LEFTY2: variants seen among roughly 807,000 people sequenced by gnomAD.
LEFTY2 encodes the protein left-right determination factor 2.
A neutral mutation model predicts 26.4 loss-of-function variants in LEFTY2; 10 were observed. The ratio of observed to expected loss-of-function variants is 0.38; its 90% confidence interval spans 0.23 to 0.64. The LOEUF is 0.64. Ranked by LOEUF, LEFTY2 falls within the 30% of genes least tolerant of loss-of-function variation. LEFTY2 has a pLI of 0.56. For missense variants in LEFTY2, 407 were observed against 502.1 expected, an observed-to-expected ratio of 0.81 and a Z score of 1.81; for synonymous variants, 204 against 234.1, an observed-to-expected ratio of 0.87 and a Z score of 1.17.
At chr1:225,938,748 C>T (rs1261012662) in intron 3 of LEFTY2, among the ~76,000 whole-genome samples, 1 of 151,608 alleles carries the variant, frequency 6.6e-6, no homozygotes, top group Non-Finnish European at 1.5e-5. Flanking sequence ...TGGTGTCAAA[C>T]TCCTGGCTTT....
rs777195213 is a variant in LEFTY2 at position 225,939,882 on chromosome 1, G to C, written c.371C>G (p.Pro124Arg). The C allele has an allele frequency of 1.9e-5, 30 of 1,550,008 alleles. No homozygotes were observed. The East Asian group carries it at 5.1e-4, about 27-fold the overall frequency. Reference sequence around the variant, plus strand: ...CCTGTGCAGCGCGGCCTTGGGGACCGGCTCCTGGAAGAGCCGCAGCACGGC... The same window carrying C: ...CCTGTGCAGCGCGGCCTTGGGGACCCGCTCCTGGAAGAGCCGCAGCACGGC... ...VQAVLRLFQE[P>R]VPKAALHRHG... is the part of the protein sequence containing the mutation. The change falls in exon 2 of 4, where the codon CCG becomes CGG. Residue 124 changes from proline to arginine, a missense_variant. Pro to Arg is a moderately radical substitution (Grantham distance 103). Transcript: ENST00000366820. This position sits in a 1 kb window ranked among gnomAD's most constrained non-coding sequence, Gnocchi z 4.1.
chr1:225,938,300 G>A (rs540688755), intron 3 of LEFTY2, among the ~76,000 whole-genome samples: 6 of 152,216 alleles, frequency 3.9e-5, no homozygotes, highest in South Asian at 2.1e-4. Flanking sequence ...AAAGCTCATC[G>A]CCCCTAGTAA....
Position 225,939,992 on chromosome 1 carries a change from G to T in LEFTY2, c.261C>A (p.Gly87=). Residue 87 remains glycine, a synonymous_variant, in exon 2 of 4, where the codon GGC becomes GGA. Transcript: ENST00000366820. This position sits in a 1 kb window ranked among gnomAD's most constrained non-coding sequence, Gnocchi z 4.1. ...TGCTGGCCTCCGACGCCAGGAACCT[G>T]CCGGCCACCTCTGGGGACAAGAGCA... ...RFSQSFREVA[G]RFLASEASTH... is the part of the protein sequence containing the mutation. 6 of 1,595,840 alleles carry T rather than the reference G, an allele frequency of 3.8e-6. No homozygotes were observed. Among genetic ancestry groups the T allele is most frequent in the Non-Finnish European group, 5.1e-6 (6 of 1,179,610 alleles).
At chr1:225,937,956 C>T (rs113777882) in intron 3 of LEFTY2, 152 bp from the exon 4 acceptor site, 1 of 1,096,834 alleles carries the variant, frequency 9.1e-7, no homozygotes, top group South Asian at 1.7e-5. Flanking sequence ...GATGAATAAA[C>T]ATATCTGAAA....
At position 225,937,303 on chromosome 1, in the gene LEFTY2, T is replaced by C; in HGVS notation, c.*138A>G. On this transcript the variant is annotated 3_prime_UTR_variant, in exon 4 of 4. Transcript: ENST00000366820. ...GGTGATGGACGGGAAAGACAGGAAA[T>C]GGAAGGACACAGGGCGAAGGTCACA... 7.2e-7 allele frequency: 1 copy of C among 1,391,014 alleles called. No homozygotes were observed. Among genetic ancestry groups the C allele is most frequent in the Non-Finnish European group, 1.0e-6 (1 of 998,180 alleles). 86.2% of individuals were successfully genotyped at this position (1,391,014 alleles called of 1,614,324 possible).
intron 1 of LEFTY2, among the ~76,000 whole-genome samples, chr1:225,940,254 C>A (rs1296467732): frequency 2.0e-5 from 3 of 151,624 alleles, no homozygotes; most frequent in African/African-American, 7.2e-5. Flanking sequence ...GAATCCTCAC[C>A]CAGGTGCCTG....
Position 225,937,302 on chromosome 1 carries a change from A to G in LEFTY2, c.*139T>C. On this transcript the variant is annotated 3_prime_UTR_variant, in exon 4 of 4. Coordinates refer to ENST00000366820, the MANE Select transcript of LEFTY2 (RefSeq NM_003240.5). ...GGGTGATGGACGGGAAAGACAGGAA[A>G]TGGAAGGACACAGGGCGAAGGTCAC... 2 of 1,383,300 alleles carry G rather than the reference A, an allele frequency of 1.4e-6. No individual in the cohort carries two copies. The highest frequency in any genetic ancestry group is 1.0e-6 in the Non-Finnish European group (1 of 991,338). 85.7% of individuals were successfully genotyped at this position (1,383,300 alleles called of 1,614,324 possible).
Position 225,939,746 on chromosome 1 carries a change from CG to C in LEFTY2, c.497+9del. 6.3e-7 allele frequency: 1 copy of C among 1,598,048 alleles called. No individual in the cohort carries two copies. The highest frequency in any genetic ancestry group is 1.1e-5 in the South Asian group (1 of 90,238). On this transcript the variant is annotated intron_variant, in intron 2 of 3. Transcript: ENST00000366820. This position sits in a 1 kb window ranked among gnomAD's most constrained non-coding sequence, Gnocchi z 4.1. ...CCTACTCCTGCCCTGCGCGCCCGCG[CG>C]ACCCCCACCTGGAGTCGATGAGGGA... is the stretch of plus-strand genomic sequence containing the variant.
chr1:225,940,723 G>A (rs1263496874), intron 1 of LEFTY2, among the ~76,000 whole-genome samples, 168 bp downstream of exon 1: 3 of 152,184 alleles, frequency 2.0e-5, no homozygotes, highest in Non-Finnish European at 4.4e-5. Flanking sequence ...CACAGCTGGA[G>A]ACCCTGGACC....
chr1:225,939,666 C>G lies in LEFTY2; in HGVS notation c.498-66G>C, dbSNP rs1672254628. On this transcript the variant is annotated intron_variant, in intron 2 of 3. Coordinates refer to ENST00000366820, the MANE Select transcript of LEFTY2 (RefSeq NM_003240.5). This position sits in a 1 kb window ranked among gnomAD's most constrained non-coding sequence, Gnocchi z 4.1. ...TGAGGGCGGGGACTGGGACGGGCCC[C>G]GAGGACCCTGCACCGCCCCCTGCGT... The G allele has an allele frequency of 3.1e-6, 5 of 1,611,626 alleles. No homozygotes were observed. The highest frequency in any genetic ancestry group is 1.7e-5 in the Admixed American group (1 of 59,976).
At position 225,941,068 on chromosome 1, in the gene LEFTY2, C is replaced by G. The variant is rs1672316880; in HGVS notation, c.73G>C (p.Glu25Gln). The G allele has an allele frequency of 6.2e-7, 1 of 1,607,554 alleles. No homozygotes were observed. The highest frequency in any genetic ancestry group is 8.5e-7 in the Non-Finnish European group (1 of 1,177,316). ...LAGPGAALTEEQLLGSLLRQL... is the reference protein window; with the variant it reads ...LAGPGAALTEQQLLGSLLRQL... The stretch of plus-strand genomic sequence containing the variant: ...CGCAGCAGGCTGCCCAGGAGCTGCT[C>G]CTCGGTCAGGGCCGCCCCGGGGCCA... The change falls in exon 1 of 4, where the codon GAG (glutamate) becomes CAG (glutamine). Residue 25 changes from glutamate to glutamine, a missense_variant. Coordinates refer to ENST00000366820, the MANE Select transcript of LEFTY2 (RefSeq NM_003240.5).
In LEFTY2 at chr1:225,937,723, C is replaced by A. The variant is rs1672190184; in HGVS notation, c.819G>T (p.Gln273His). The A allele has an allele frequency of 6.2e-7, 1 of 1,612,624 alleles. No homozygotes were observed. Among genetic ancestry groups the A allele is most frequent in the Admixed American group, 1.7e-5 (1 of 59,974 alleles). ...CCRQEMYIDL[Q>H]GMKWAKNWVL... ...CCCAGTTCTTGGCCCACTTCATCCC[C>A]TGCAGGTCAATGTACATCTCCTGGC... is the stretch of plus-strand genomic sequence containing the variant. The change falls in exon 4 of 4, where the codon CAG becomes CAT. Residue 273 changes from glutamine to histidine, a missense_variant. By Grantham distance (24) the Gln-to-His change is conservative. Transcript: ENST00000366820.
rs1356446056 is a variant in LEFTY2, at chr1:225,939,203, C to T, written c.737+158G>A. Among the ~76,000 whole-genome samples the T allele has an allele frequency of 1.3e-5, 2 of 152,204 alleles. No individual in the cohort carries two copies. The highest frequency in any genetic ancestry group is 4.8e-5 in the African/African-American group (2 of 41,452). ...CAATTTCTGCCATTAGAAACCCTGA[C>T]ATGTAGTGGGCAATCGCTGGCATCC... On this transcript the variant is annotated intron_variant, in intron 3 of 3. Transcript: ENST00000366820. The surrounding 1 kb of genome is among the most constrained non-coding windows in gnomAD (Gnocchi z 4.1).
Position 225,937,313 on chromosome 1 carries a change from C to A in LEFTY2, c.*128G>T, listed in dbSNP as rs1223036922. On this transcript the variant is annotated 3_prime_UTR_variant, in exon 4 of 4. Transcript: ENST00000366820. ...GGGAAAGACAGGAAATGGAAGGACACAGGGCGAAGGTCACACAGGAGCACT... is the reference window on the plus strand; with the variant it reads ...GGGAAAGACAGGAAATGGAAGGACAAAGGGCGAAGGTCACACAGGAGCACT... 2.0e-5 allele frequency: 30 copies of A among 1,476,964 alleles called. No homozygotes were observed. The highest frequency in any genetic ancestry group is 2.6e-5 in the Non-Finnish European group (28 of 1,073,006). The allele number at this position is 1,476,964 out of a possible 1,614,324, so 91.5% of individuals were successfully genotyped here.
chr1:225,937,795 G>A lies in LEFTY2; in HGVS notation c.747C>T (p.Gly249=), dbSNP rs376643564. The change falls in exon 4 of 4, where the codon GGC becomes GGT. Residue 249 remains glycine, a synonymous_variant. Coordinates refer to ENST00000366820, the MANE Select transcript of LEFTY2 (RefSeq NM_003240.5). ...TLDLRDYGAQ[G]DCDPEAPMTE... ...TCATTGGTGCTTCAGGGTCACAGTC[G>A]CCCTGAGCTCTGTGTGGGCAAGGAG... The A allele has an allele frequency of 2.9e-5, 46 of 1,611,400 alleles. No individual in the cohort carries two copies. Among genetic ancestry groups the A allele is most frequent in the African/African-American group, 2.7e-4 (20 of 74,810 alleles).
rs776993619 is a variant in LEFTY2, at chr1:225,937,695, G to A, written c.847C>T (p.Leu283=). The A allele has an allele frequency of 6.8e-6, 11 of 1,613,714 alleles. No homozygotes were observed. The highest frequency in any genetic ancestry group is 9.3e-6 in the Non-Finnish European group (11 of 1,179,668). ...TAAGCCAGGAAGCCCGGGGGCTCCA[G>A]CACCCAGTTCTTGGCCCACTTCATC... ...QGMKWAKNWV[L]EPPGFLAYEC... The change falls in exon 4 of 4, where the codon CTG becomes TTG. Residue 283 remains leucine (L), a synonymous_variant. Coordinates refer to ENST00000366820, the MANE Select transcript of LEFTY2 (RefSeq NM_003240.5).
At chr1:225,940,304 C>T (rs1558071101) in intron 1 of LEFTY2, among the ~76,000 whole-genome samples, 1 of 152,226 alleles carries the variant, frequency 6.6e-6, no homozygotes, top group African/African-American at 2.4e-5. Context: ...GCTAGGGAGG[C>T]GAGAGGCTGC....
intron 1 of LEFTY2, 171 bp from the exon 2 acceptor site, chr1:225,940,173 T>A: frequency 8.9e-7 from 1 of 1,123,952 alleles, no homozygotes; most frequent in Non-Finnish European, 1.3e-6. Context: ...AGTAACAATT[T>A]CCATCCAGCA....
Position 225,939,650 on chromosome 1 carries a change from G to A in LEFTY2, c.498-50C>T. 3 of 1,612,120 alleles carry A rather than the reference G, an allele frequency of 1.9e-6. No homozygotes were observed. The highest frequency in any genetic ancestry group is 2.5e-6 in the Non-Finnish European group (3 of 1,179,716). On this transcript the variant is annotated intron_variant, in intron 2 of 3. Coordinates refer to ENST00000366820, the MANE Select transcript of LEFTY2 (RefSeq NM_003240.5). The surrounding 1 kb of genome is among the most constrained non-coding windows in gnomAD (Gnocchi z 4.1). ...GAGACCCAGCGCCGCTTGAGGGCGG[G>A]GACTGGGACGGGCCCCGAGGACCCT...
Sources: gnomAD v4.1 joint callset for allele counts (sites outside exome capture counted in the v4.1 genomes callset) on GRCh38, gnomAD v4.1.1 for gene constraint, Gnocchi (gnomAD v3.1) non-coding constraint, MANE v1.5 for transcripts, NCBI Gene and HGNC (gene_info 2026-07-23, HGNC 2026-07-21) for gene names.